The following TECTA variants were observed in gnomAD, a reference collection of about 807,000 sequenced individuals.
The protein encoded by TECTA is alpha-tectorin.
Under a neutral mutation model 216.8 loss-of-function variants are expected in TECTA, and 128 were observed. That is an observed-to-expected ratio of 0.59 (90% CI 0.51 to 0.68). The LOEUF is 0.68. Ranked by LOEUF, TECTA falls within the 30% of genes least tolerant of loss-of-function variation. The pLI is 0.00. For missense variants in TECTA, 2,551 were observed against 2,786.2 expected (o/e 0.92, Z 1.90); for synonymous variants, 1,089 against 1,117.1 (o/e 0.97, Z 0.50).
Position 121,125,382 on chromosome 11 carries a change from C to A in TECTA, c.1284C>A (p.Ala428=). Residue 428 remains alanine (A), a synonymous_variant, in exon 8 of 24, where the codon GCC becomes GCA. Transcript: ENST00000392793. ...TCTACCAGAGTGGCATATCTACTGC[C>A]GTGGAAACAGATTTTGGGCTCTTAG... ...VKIYQSGIST[A]VETDFGLLVT... The A allele has an allele frequency of 1.2e-6, 2 of 1,614,224 alleles. No individual in the cohort carries two copies. The highest frequency in any genetic ancestry group is 1.7e-5 in the Admixed American group (1 of 60,036).
At chr11:121,174,011 G>T (rs1947139651) in intron 20 of TECTA, among the ~76,000 whole-genome samples, 1 of 152,114 alleles carries the variant, frequency 6.6e-6, no homozygotes, top group Non-Finnish European at 1.5e-5. Flanking sequence ...TGGTGTATAA[G>T]AATGCTTATG....
At chr11:121,152,828 C>T in intron 12 of TECTA, 53 bp from the exon 13 acceptor site, 1 of 1,552,198 alleles carries the variant, frequency 6.4e-7, no homozygotes, top group Non-Finnish European at 8.8e-7. Context: ...ATGAGAAAAC[C>T]CTCCTCGGTG....
intron 20 of TECTA, among the ~76,000 whole-genome samples, chr11:121,169,208 G>A (rs1317785654): frequency 6.6e-6 from 1 of 152,126 alleles, no homozygotes; most frequent in Non-Finnish European, 1.5e-5. Flanking sequence ...CTCAAAGTGG[G>A]GATTCTGTGC....
In TECTA at chr11:121,188,953, C is replaced by T; in HGVS notation, c.6163-127C>T. 7.9e-6 allele frequency: 7 copies of T among 882,406 alleles called. 1 individual carries two copies. The South Asian group carries it at 8.4e-5, about 11-fold the overall frequency. 54.7% of individuals were successfully genotyped at this position (882,406 alleles called of 1,614,324 possible). A position where few individuals can be genotyped will look rare whatever the true frequency, so the allele number is the denominator to read the frequency against. Reference sequence around the variant, plus strand: ...TTCAATGATCAAGAATGCATTGGTTCTAATTAATCTGAGCCTCCATAATGC... The same window carrying T: ...TTCAATGATCAAGAATGCATTGGTTTTAATTAATCTGAGCCTCCATAATGC... On this transcript the variant is annotated intron_variant, in intron 21 of 23. Transcript: ENST00000392793.
At chr11:121,117,257 C>T (rs628756) in intron 6 of TECTA, among the ~76,000 whole-genome samples, 112,497 of 152,160 alleles carry the variant, frequency 0.74, 41,926 homozygotes, top group African/African-American at 0.81. Context: ...GGATGAGAAA[C>T]AGCAGTATCC....
At chr11:121,162,040 C>G in intron 15 of TECTA, 35 bp from the exon 16 acceptor site, 1 of 1,612,758 alleles carries the variant, frequency 6.2e-7, no homozygotes, top group Non-Finnish European at 8.5e-7. Context: ...TTGGAGATCT[C>G]AGATGGCTGT....
At chr11:121,116,486 A>G (rs1209276188) in intron 6 of TECTA, among the ~76,000 whole-genome samples, 3 of 152,196 alleles carry the variant, frequency 2.0e-5, no homozygotes, top group Non-Finnish European at 4.4e-5. Flanking sequence ...AGAGCTGCGG[A>G]GTTGGTCAGA....
chr11:121,115,328 G>A (rs1253211631), intron 6 of TECTA, among the ~76,000 whole-genome samples: 6 of 152,184 alleles, frequency 3.9e-5, no homozygotes, highest in Admixed American at 3.9e-4. Flanking sequence ...CATTTTAAGA[G>A]CCCCATTGAA....
intron 20 of TECTA, among the ~76,000 whole-genome samples, chr11:121,171,047 C>T (rs1437729137): frequency 3.3e-5 from 5 of 152,176 alleles, no homozygotes; most frequent in Non-Finnish European, 5.9e-5. Context: ...CTTCTAGTAG[C>T]TTTATAGTTT....
intron 20 of TECTA, among the ~76,000 whole-genome samples, chr11:121,172,641 A>G (rs1455833939): frequency 1.3e-5 from 2 of 151,194 alleles, no homozygotes; most frequent in African/African-American, 4.9e-5. Context: ...TAGTGCCGCA[A>G]TAAACATACA....
chr11:121,145,489 G>A (rs995586325), intron 11 of TECTA, 66 bp from the exon 12 acceptor site: 60 of 1,558,846 alleles, frequency 3.8e-5, no homozygotes, highest in Admixed American at 3.7e-4. Context: ...GAGACTCATC[G>A]TTAGGAGAAG....
chr11:121,166,161 C>T (rs1035690119), intron 17 of TECTA, among the ~76,000 whole-genome samples: 5 of 152,184 alleles, frequency 3.3e-5, no homozygotes, highest in African/African-American at 1.2e-4. Flanking sequence ...CACTAGGGTT[C>T]TGCTGAGCTG....
In TECTA at chr11:121,128,268, C is replaced by G. The variant is rs372842490; in HGVS notation, c.2291C>G (p.Ala764Gly). 16 of 1,599,786 alleles carry G rather than the reference C, an allele frequency of 1.0e-5. No homozygotes were observed. The highest frequency in any genetic ancestry group is 1.3e-5 in the African/African-American group (1 of 74,928). The change falls in exon 9 of 24, where the codon GCT becomes GGT. Residue 764 changes from alanine (A) to glycine (G), a missense_variant. Physicochemically the swap from Ala to Gly is moderately conservative, Grantham distance 60 (BLOSUM62 0). Coordinates refer to ENST00000392793, the MANE Select transcript of TECTA (RefSeq NM_005422.4). Reference protein sequence around the residue: ...INKKKPDAGPAWLRGLRILVA... With the variant: ...INKKKPDAGPGWLRGLRILVA... The stretch of plus-strand genomic sequence containing the variant: ...AAGAAGAAGCCCGATGCAGGACCTG[C>G]TTGGCTGCGGGGACTTCGGATCCTG...
chr11:121,131,735 C>T (rs1433960247), intron 10 of TECTA, among the ~76,000 whole-genome samples: 4 of 152,192 alleles, frequency 2.6e-5, no homozygotes, highest in Non-Finnish European at 5.9e-5. Flanking sequence ...CAGTCTTTGA[C>T]TTTCATTGTC....
chr11:121,105,787 G>T lies in TECTA; in HGVS notation c.65-44G>T. 1.9e-6 allele frequency: 3 copies of T among 1,613,074 alleles called. No individual in the cohort carries two copies. Among genetic ancestry groups the T allele is most frequent in the South Asian group, 1.1e-5 (1 of 90,990 alleles). On this transcript the variant is annotated intron_variant, in intron 2 of 23. Coordinates refer to ENST00000392793, the MANE Select transcript of TECTA (RefSeq NM_005422.4). The surrounding 1 kb of genome is among the most constrained non-coding windows in gnomAD (Gnocchi z 5.3). Reference sequence around the variant, plus strand: ...TAGGAGAGATGTAGATTGCCAAACGGCAGAGGGAGCTGCCATCTATCTAAC... The same window carrying T: ...TAGGAGAGATGTAGATTGCCAAACGTCAGAGGGAGCTGCCATCTATCTAAC...
intron 20 of TECTA, among the ~76,000 whole-genome samples, chr11:121,180,948 A>T (rs953853224): frequency 6.6e-6 from 1 of 151,706 alleles, no homozygotes; most frequent in Non-Finnish European, 1.5e-5. Flanking sequence ...CGGGTGGATC[A>T]TGAGGTCAGG....
At chr11:121,179,535 T>C (rs1947204123) in intron 20 of TECTA, among the ~76,000 whole-genome samples, 1 of 152,184 alleles carries the variant, frequency 6.6e-6, no homozygotes, top group Non-Finnish European at 1.5e-5. Flanking sequence ...ATTCTGTAAA[T>C]GCCTGTTAAG....
At chr11:121,115,471 G>A (rs1470025662) in intron 6 of TECTA, among the ~76,000 whole-genome samples, 2 of 152,254 alleles carry the variant, frequency 1.3e-5, no homozygotes, top group East Asian at 3.9e-4. Context: ...ACTTGTGTAG[G>A]GTACTGTGGA....
chr11:121,130,361 C>A, intron 10 of TECTA, 150 bp downstream of exon 10: 2 of 917,680 alleles, frequency 2.2e-6, no homozygotes, highest in Non-Finnish European at 1.6e-6. Flanking sequence ...TGTGTCCTCC[C>A]AAAGACTCAT....
Sources: gnomAD v4.1 joint callset for allele counts (sites outside exome capture counted in the v4.1 genomes callset) on GRCh38, gnomAD v4.1.1 for gene constraint, Gnocchi (gnomAD v3.1) non-coding constraint, MANE v1.5 for transcripts, NCBI Gene and HGNC (gene_info 2026-07-23, HGNC 2026-07-21) for gene names.